TENT2: variants seen among roughly 807,000 people sequenced by gnomAD.
TENT2 encodes terminal nucleotidyltransferase 2.
A neutral mutation model predicts 72.2 loss-of-function variants in TENT2; 44 were observed. The ratio of observed to expected loss-of-function variants is 0.61; its 90% CI spans 0.48 to 0.78. The LOEUF (loss-of-function observed/expected upper bound fraction) is 0.78, where lower values mean the gene tolerates loss of function less well. TENT2 is among the 30% of genes least tolerant of loss of function. TENT2 has a pLI of 0.00. For synonymous variants in TENT2, 212 were observed against 192.5 expected, an observed-to-expected ratio of 1.10 and a Z score of -0.84; for missense variants, 541 against 569.6, an observed-to-expected ratio of 0.95 and a Z score of 0.51.
chr5:79,627,977 C>G (rs575878992), intron 4 of TENT2, among the ~76,000 whole-genome samples: 1 of 152,242 alleles, frequency 6.6e-6, no homozygotes, highest in South Asian at 2.1e-4. Context: ...GGATATTATC[C>G]TAATGTTATT....
At chr5:79,623,657 T>A (rs180691424) in intron 4 of TENT2, 168 bp downstream of exon 4, 2 of 432,422 alleles carry the variant, frequency 4.6e-6, no homozygotes, top group Admixed American at 4.1e-5. Flanking sequence ...TTGATTTTTG[T>A]TAGCTATTCT....
At chr5:79,655,108 T>G (rs1349565113) in intron 10 of TENT2, among the ~76,000 whole-genome samples, 1 of 152,158 alleles carries the variant, frequency 6.6e-6, no homozygotes, top group Non-Finnish European at 1.5e-5. Context: ...TAGTCAGATT[T>G]TTCCAGAATT....
intron 13 of TENT2, chr5:79,681,730 A>C (rs1822090111): frequency 6.8e-6 from 2 of 295,856 alleles, no homozygotes; most frequent in Non-Finnish European, 1.3e-5. Flanking sequence ...ATTTAGACTT[A>C]ACACACCTAT....
intron 11 of TENT2, among the ~76,000 whole-genome samples, chr5:79,667,322 T>G (rs1284206891): frequency 2.6e-5 from 4 of 152,210 alleles, no homozygotes; most frequent in Non-Finnish European, 4.4e-5. Flanking sequence ...ACTTATTTGA[T>G]CTACATTATA....
At chr5:79,633,399 A>G (rs1777151802) in intron 4 of TENT2, among the ~76,000 whole-genome samples, 1 of 136,162 alleles carries the variant, frequency 7.3e-6, no homozygotes, top group African/African-American at 2.8e-5. Flanking sequence ...ACATTGTAGT[A>G]TATGATTAGG....
In TENT2 at chr5:79,687,700, G is replaced by A. The variant is rs1188292465; in HGVS notation, c.*2427G>A. On this transcript the variant is annotated 3_prime_UTR_variant, in exon 15 of 15. Transcript: ENST00000453514. Reference sequence around the variant, plus strand: ...CTGGTTGAATTCACAAATCCTACATGGTTACGGAGGGTTGACTGTATTTGC... The same window carrying A: ...CTGGTTGAATTCACAAATCCTACATAGTTACGGAGGGTTGACTGTATTTGC... Among the ~76,000 whole-genome samples, 1 of 152,134 alleles carries A rather than the reference G, an allele frequency of 6.6e-6. No individual in the cohort carries two copies. Among genetic ancestry groups the A allele is most frequent in the South Asian group, 2.1e-4 (1 of 4,830 alleles).
chr5:79,675,903 T>G (rs1289599328), intron 12 of TENT2, among the ~76,000 whole-genome samples: 1 of 152,092 alleles, frequency 6.6e-6, no homozygotes, highest in Non-Finnish European at 1.5e-5. Context: ...GCCTAAGGTG[T>G]GTACTCTAGC....
intron 4 of TENT2, among the ~76,000 whole-genome samples, chr5:79,629,670 A>G (rs1042621751): frequency 2.0e-5 from 3 of 151,668 alleles, no homozygotes; most frequent in African/African-American, 7.3e-5. Context: ...TACTAAAAAT[A>G]CAAAAAATTA....
chr5:79,676,130 G>GTATATATACATA (rs1198930355), intron 12 of TENT2, among the ~76,000 whole-genome samples: 1 of 145,938 alleles, frequency 6.9e-6, no homozygotes, highest in Non-Finnish European at 1.5e-5. Context: ...AATTTTACTA[G>GTATATATACATA]TATATATACA....
At chr5:79,645,251 C>A in intron 8 of TENT2, 59 bp downstream of exon 8, 2 of 1,275,718 alleles carry the variant, frequency 1.6e-6, no homozygotes, top group Non-Finnish European at 2.2e-6. Flanking sequence ...AGATACTCAT[C>A]TGATAAAGAT....
intron 11 of TENT2, among the ~76,000 whole-genome samples, chr5:79,664,919 C>T (rs183286429): frequency 6.6e-6 from 1 of 152,284 alleles, no homozygotes; most frequent in East Asian, 1.9e-4. Context: ...TGATGCTTCA[C>T]ACTTCAGTCT....
chr5:79,678,344 G>A (rs1056505697), intron 12 of TENT2, among the ~76,000 whole-genome samples: 2 of 151,978 alleles, frequency 1.3e-5, no homozygotes, highest in African/African-American at 2.4e-5. Context: ...GATAAATAGA[G>A]GAGAAGTGTA....
intron 4 of TENT2, among the ~76,000 whole-genome samples, chr5:79,630,372 C>T (rs898299672): frequency 5.9e-5 from 9 of 151,876 alleles, no homozygotes; most frequent in African/African-American, 1.9e-4. Flanking sequence ...GTGGGTGGAT[C>T]GCCTGAGGTC....
chr5:79,613,126 C>T (rs1458022617), intron 1 of TENT2, 51 bp downstream of exon 1: 2 of 152,136 alleles, frequency 1.3e-5, no homozygotes, highest in Non-Finnish European at 2.9e-5. Context: ...TCTTTTAAGC[C>T]TTAATTAAAT....
chr5:79,651,122 C>T (rs1404010074), intron 10 of TENT2, among the ~76,000 whole-genome samples: 3 of 152,094 alleles, frequency 2.0e-5, no homozygotes, highest in Admixed American at 6.5e-5. Flanking sequence ...TGAATTTTCA[C>T]ACCCAAAAAT....
chr5:79,650,490 T>A (rs534262241), intron 10 of TENT2, among the ~76,000 whole-genome samples: 1 of 152,142 alleles, frequency 6.6e-6, no homozygotes, highest in South Asian at 2.1e-4. Context: ...CAATAATAAT[T>A]ATTACAGTGT....
chr5:79,675,457 A>G (rs938780690), intron 12 of TENT2, among the ~76,000 whole-genome samples: 1 of 152,196 alleles, frequency 6.6e-6, no homozygotes, highest in Non-Finnish European at 1.5e-5. Context: ...GAAAGTATGA[A>G]TTGTCATATA....
intron 3 of TENT2, 61 bp from the exon 4 acceptor site, chr5:79,623,191 C>A: frequency 8.3e-7 from 1 of 1,199,124 alleles, no homozygotes; most frequent in Non-Finnish European, 1.2e-6. Context: ...TATTTAATTG[C>A]TTTTTATTTG....
In TENT2 at chr5:79,652,024, A is replaced by G. The variant is rs73121432; in HGVS notation, c.1027+2834A>G. On this transcript the variant is annotated intron_variant, in intron 10 of 14. Coordinates refer to ENST00000453514, the MANE Select transcript of TENT2 (RefSeq NM_001114394.3). ...TAATAATGACAAAATGGAATACACA[A>G]TCATGCTGAGAGTGTTGATTTGGTA... Among the ~76,000 whole-genome samples, 513 of 152,206 alleles carry G rather than the reference A, an allele frequency of 3.4e-3. 3 individuals are homozygous for G. The highest frequency in any genetic ancestry group is 0.012 in the African/African-American group (491 of 41,562).
Sources: allele counts gnomAD v4.1 joint callset (sites outside exome capture counted in the v4.1 genomes callset), GRCh38; gene constraint gnomAD v4.1.1; transcripts MANE v1.5; gene names NCBI Gene and HGNC (gene_info 2026-07-23, HGNC 2026-07-21).